Variants in MARCHF5 observed in about 807,000 individuals in gnomAD.
The protein encoded by MARCHF5 is E3 ubiquitin-protein ligase MARCHF5.
Under a neutral mutation model 36.5 loss-of-function variants are expected in MARCHF5, and 5 were observed. The ratio of observed to expected loss-of-function variants is 0.14; its 90% CI spans 0.07 to 0.29. MARCHF5 has a LOEUF of 0.29. Ranked by LOEUF, MARCHF5 falls within the 10% of genes least tolerant of loss-of-function variation. The pLI, the probability that MARCHF5 is intolerant of heterozygous loss-of-function variation, is 1.00. For synonymous variants in MARCHF5, 103 were observed against 109.9 expected, an observed-to-expected ratio of 0.94 and a Z score of 0.39; for missense variants, 179 against 336.3, an observed-to-expected ratio of 0.53 and a Z score of 3.66.
At chr10:92,348,649 G>T (rs763893543) in intron 3 of MARCHF5, among the ~76,000 whole-genome samples, 3 of 152,172 alleles carry the variant, frequency 2.0e-5, no homozygotes, top group Non-Finnish European at 4.4e-5. Flanking sequence ...GACTAGGATA[G>T]GGTAAGGAAA....
intron 2 of MARCHF5, among the ~76,000 whole-genome samples, chr10:92,317,169 A>G (rs1434904286): frequency 6.6e-6 from 1 of 152,180 alleles, no homozygotes; most frequent in Admixed American, 6.5e-5. Flanking sequence ...CAGTGGTGCG[A>G]AGTTGGCTCA....
At chr10:92,316,688 A>G (rs1843213932) in intron 2 of MARCHF5, among the ~76,000 whole-genome samples, 1 of 151,970 alleles carries the variant, frequency 6.6e-6, no homozygotes, top group African/African-American at 2.4e-5. Context: ...TCAGCCTTCC[A>G]AGTAGATGGG....
At chr10:92,331,941 G>GTATATATATGTATATATAATCGTA (rs1843441763) in intron 2 of MARCHF5, among the ~76,000 whole-genome samples, 2 of 129,942 alleles carry the variant, frequency 1.5e-5, no homozygotes, top group Non-Finnish European at 3.3e-5. Flanking sequence ...ATATATAATC[G>GTATATATATGTATATATAATCGTA]TATATATATG....
At chr10:92,336,708 G>A (rs1843506023) in intron 2 of MARCHF5, among the ~76,000 whole-genome samples, 1 of 152,034 alleles carries the variant, frequency 6.6e-6, no homozygotes, top group African/African-American at 2.4e-5. Context: ...TTAGATGGGA[G>A]GATCACTTCA....
chr10:92,349,903 A>C, intron 5 of MARCHF5, 66 bp downstream of exon 5: 2 of 1,351,970 alleles, frequency 1.5e-6, no homozygotes, highest in East Asian at 4.6e-5. Context: ...TGTTTTTAAA[A>C]GGTGGGGAAC....
At chr10:92,313,105 G>A (rs973483532) in intron 2 of MARCHF5, among the ~76,000 whole-genome samples, 1 of 152,064 alleles carries the variant, frequency 6.6e-6, no homozygotes, top group Non-Finnish European at 1.5e-5. Context: ...ATGGTGGCGT[G>A]TGCCTGTAGT....
chr10:92,340,616 A>G, intron 2 of MARCHF5, 57 bp from the exon 3 acceptor site: 2 of 1,486,730 alleles, frequency 1.3e-6, no homozygotes, highest in South Asian at 2.7e-5. Context: ...ATATCAAACA[A>G]GTCATTTTAA....
rs566120489 is a variant in MARCHF5, at chr10:92,291,181, G to A, written c.-314G>A. On this transcript the variant is annotated 5_prime_UTR_variant, in exon 1 of 6. Transcript: ENST00000358935. ...CGGCGACTCTTACCTCACAAAGGTA[G>A]CTCCTCCGCCGGCAGCAACTCGGCG... is the stretch of plus-strand genomic sequence containing the variant. The A allele has an allele frequency of 6.2e-6, 3 of 487,100 alleles. No homozygotes were observed. Among genetic ancestry groups the A allele is most frequent in the Admixed American group, 4.2e-5 (1 of 23,824 alleles). 30.2% of individuals were successfully genotyped at this position (487,100 alleles called of 1,614,324 possible).
At position 92,334,125 on chromosome 10, in the gene MARCHF5, G is replaced by A. The variant is rs147049032; in HGVS notation, c.239-6548G>A. 4.9e-3 allele frequency among the ~76,000 whole-genome samples: 739 copies of A among 152,332 alleles called. 3 individuals are homozygous for A. The highest frequency in any genetic ancestry group is 0.014 in the African/African-American group (572 of 41,578). ...GAATCGCTTGAACCCGGGAGGCAGA[G>A]GTTGCTGTGAGCTGACATTGCGCCA... On this transcript the variant is annotated intron_variant, in intron 2 of 5. Coordinates refer to ENST00000358935, the MANE Select transcript of MARCHF5 (RefSeq NM_017824.5).
Position 92,340,811 on chromosome 10 carries a change from A to G in MARCHF5, c.369+8A>G, listed in dbSNP as rs773736742. 13 of 1,604,004 alleles carry G rather than the reference A, an allele frequency of 8.1e-6. No homozygotes were observed. The highest frequency in any genetic ancestry group is 1.7e-4 in the Middle Eastern group (1 of 6,046). ...GCAGTGACAGTGATGCAGGTTCACT[A>G]TTTTACCTATATAGTGATATTACTT... On this transcript the variant is annotated splice_region_variant and intron_variant, in intron 3 of 5. Transcript: ENST00000358935.
chr10:92,306,873 G>A lies in MARCHF5; in HGVS notation c.36-4262G>A, dbSNP rs57117502. 6.7e-3 allele frequency among the ~76,000 whole-genome samples: 1,021 copies of A among 152,264 alleles called. 10 individuals are homozygous for A. The highest frequency in any genetic ancestry group is 0.023 in the African/African-American group (976 of 41,542). On this transcript the variant is annotated intron_variant, in intron 1 of 5. Transcript: ENST00000358935. ...TACTAAAAATACAAAAATGAGCCAGGCGTGGTGGTGGATGCCTGTAGTCCC... is the reference window on the plus strand; with the variant it reads ...TACTAAAAATACAAAAATGAGCCAGACGTGGTGGTGGATGCCTGTAGTCCC...
At chr10:92,347,390 CAGA>C (rs1225793957) in intron 3 of MARCHF5, among the ~76,000 whole-genome samples, 1 of 151,868 alleles carries the variant, frequency 6.6e-6, no homozygotes, top group African/African-American at 2.4e-5. Context: ...GAGGTTGAGG[CAGA>C]AGAATAGCTT....
At chr10:92,304,870 A>G (rs181166430) in intron 1 of MARCHF5, among the ~76,000 whole-genome samples, 10 of 152,316 alleles carry the variant, frequency 6.6e-5, no homozygotes, top group African/African-American at 2.2e-4. Flanking sequence ...AAGAGATTCT[A>G]TCATTAAACC....
intron 1 of MARCHF5, among the ~76,000 whole-genome samples, chr10:92,309,245 G>A (rs1273970274): frequency 8.5e-5 from 13 of 152,158 alleles, no homozygotes. Flanking sequence ...AAATGTTTGG[G>A]AAAAATAAAC....
At chr10:92,309,070 C>G (rs973134077) in intron 1 of MARCHF5, among the ~76,000 whole-genome samples, 4 of 152,126 alleles carry the variant, frequency 2.6e-5, no homozygotes, top group African/African-American at 9.7e-5. Context: ...CTGAAATATA[C>G]TGATGCCTGC....
At position 92,301,751 on chromosome 10, in the gene MARCHF5, CTAGAT is replaced by C. The variant is rs1843014884; in HGVS notation, c.36-9381_36-9377del. On this transcript the variant is annotated intron_variant, in intron 1 of 5. Coordinates refer to ENST00000358935, the MANE Select transcript of MARCHF5 (RefSeq NM_017824.5). ...TCCTCCTGTACACTTTACGTTCTCT[CTAGAT>C]TACATATAATACCTAATACAGGCCG... 3.3e-5 allele frequency among the ~76,000 whole-genome samples: 5 copies of C among 152,302 alleles called. No individual in the cohort carries two copies. In the South Asian group the frequency reaches 1.0e-3, roughly 32 times the overall value.
At chr10:92,343,600 G>A (rs1283157625) in intron 3 of MARCHF5, among the ~76,000 whole-genome samples, 1 of 152,046 alleles carries the variant, frequency 6.6e-6, no homozygotes, top group East Asian at 1.9e-4. Flanking sequence ...ACAGAGTTTC[G>A]CTCTTGTTGT....
At chr10:92,292,573 A>G (rs2135169496) in intron 1 of MARCHF5, among the ~76,000 whole-genome samples, 1 of 152,334 alleles carries the variant, frequency 6.6e-6, no homozygotes, top group South Asian at 2.1e-4. Context: ...ACCCAAGGGT[A>G]CACATCCTTC....
intron 1 of MARCHF5, among the ~76,000 whole-genome samples, chr10:92,303,543 G>A (rs377317932): frequency 1.7e-4 from 26 of 151,936 alleles, no homozygotes; most frequent in Middle Eastern, 6.8e-3. Context: ...TGTGATCCTC[G>A]TATGCATGTT....
Sources: gnomAD v4.1 joint callset for allele counts (sites outside exome capture counted in the v4.1 genomes callset) on GRCh38, gnomAD v4.1.1 for gene constraint, MANE v1.5 for transcripts, NCBI Gene and HGNC (gene_info 2026-07-23, HGNC 2026-07-21) for gene names.